The following ATXN7 variants were observed in gnomAD, a reference collection of about 807,000 sequenced individuals.
ATXN7 encodes ataxin-7.
In ATXN7, 12 loss-of-function variants were observed where a neutral mutation model predicts 70.5. That is an observed-to-expected ratio of 0.17 (90% CI 0.11 to 0.28). ATXN7 has a LOEUF of 0.28. ATXN7 is among the 10% of genes least tolerant of loss of function. The pLI is 1.00. For missense variants in ATXN7, 1,256 were observed against 1,131.7 expected (o/e 1.11, Z -1.58); for synonymous variants, 498 against 448.7 (o/e 1.11, Z -1.39).
chr3:63,891,070 C>T (rs996091706), intron 1 of ATXN7, among the ~76,000 whole-genome samples: 1 of 152,048 alleles, frequency 6.6e-6, no homozygotes, highest in Non-Finnish European at 1.5e-5. Flanking sequence ...AGTGCAGTGG[C>T]ACCATCTCGG....
intron 4 of ATXN7, among the ~76,000 whole-genome samples, chr3:63,914,714 G>A (rs1287822313): frequency 6.6e-6 from 1 of 152,148 alleles, no homozygotes; most frequent in Non-Finnish European, 1.5e-5. Flanking sequence ...CAATAATTCT[G>A]CTGTAAAGGA....
chr3:63,892,405 CACACA>C (rs780640762), intron 1 of ATXN7, among the ~76,000 whole-genome samples: 15,009 of 150,392 alleles, frequency 0.1, 899 homozygotes, highest in Middle Eastern at 0.15. Context: ...CACACACACA[CACACA>C]CCCGCCAACT....
At chr3:63,921,937 C>G (rs1328937746) in intron 4 of ATXN7, among the ~76,000 whole-genome samples, 3 of 152,204 alleles carry the variant, frequency 2.0e-5, no homozygotes, top group Non-Finnish European at 4.4e-5. Context: ...AGTGAAATGC[C>G]AGTTTTGCTT....
intron 1 of ATXN7, among the ~76,000 whole-genome samples, chr3:63,872,048 C>G (rs1702610651): frequency 1.3e-5 from 2 of 152,010 alleles, no homozygotes; most frequent in African/African-American, 4.8e-5. Flanking sequence ...GTTCTATCTC[C>G]TATGCCCCAC....
At chr3:63,922,652 T>C (rs561210389) in intron 4 of ATXN7, among the ~76,000 whole-genome samples, 2 of 152,264 alleles carry the variant, frequency 1.3e-5, no homozygotes, top group South Asian at 4.1e-4. Flanking sequence ...CCTACTTACA[T>C]GATTTTTTTA....
chr3:63,979,225 C>T (rs951558275), intron 5 of ATXN7, among the ~76,000 whole-genome samples: 3 of 152,140 alleles, frequency 2.0e-5, no homozygotes, highest in Admixed American at 1.3e-4. Flanking sequence ...AAAAAACAGG[C>T]GTAGCTATTT....
intron 12 of ATXN7, 115 bp from the exon 13 acceptor site, chr3:63,999,335 T>C: frequency 2.4e-6 from 2 of 850,544 alleles, no homozygotes; most frequent in Admixed American, 4.0e-5. Flanking sequence ...ACTCAGTCAA[T>C]GGAGACTTTA....
intron 1 of ATXN7, among the ~76,000 whole-genome samples, chr3:63,874,106 G>A (rs1390347734): frequency 1.3e-5 from 2 of 152,144 alleles, no homozygotes; most frequent in African/African-American, 4.8e-5. Flanking sequence ...AATACTACAT[G>A]TGTTTTTTAC....
chr3:63,926,821 C>G (rs184958582), intron 4 of ATXN7, among the ~76,000 whole-genome samples: 1 of 152,162 alleles, frequency 6.6e-6, no homozygotes, highest in East Asian at 1.9e-4. Context: ...CCCTTGCCCC[C>G]CAATGCCCAA....
chr3:63,990,595 T>C, intron 10 of ATXN7, 143 bp from the exon 11 acceptor site: 1 of 1,361,402 alleles, frequency 7.3e-7, no homozygotes, highest in Non-Finnish European at 1.0e-6. Flanking sequence ...GGCTAGGCAT[T>C]GTCACTCTCA....
At chr3:63,946,918 G>C (rs2074873514) in intron 4 of ATXN7, among the ~76,000 whole-genome samples, 2 of 152,128 alleles carry the variant, frequency 1.3e-5, no homozygotes, top group Non-Finnish European at 2.9e-5. Context: ...CTGTGGCCTT[G>C]TTAGGAGACC....
chr3:63,863,854 A>C, upstream of ATXN7: 4 of 1,207,318 alleles, frequency 3.3e-6, no homozygotes, highest in South Asian at 8.2e-5. Context: ...GCGGCGGCGG[A>C]GGTCAAACTC....
chr3:63,984,968 TTTTTAA>T (rs2075550453), intron 8 of ATXN7, among the ~76,000 whole-genome samples: 1 of 152,234 alleles, frequency 6.6e-6, no homozygotes, highest in Non-Finnish European at 1.5e-5. Context: ...AATTTCCTTC[TTTTTAA>T]GGGCTGAATA....
chr3:63,995,562 G>A lies in ATXN7; in HGVS notation c.1740G>A (p.Arg580=). 6.2e-7 allele frequency: 1 copy of A among 1,614,096 alleles called. No homozygotes were observed. The highest frequency in any genetic ancestry group is 1.7e-5 in the Admixed American group (1 of 60,014). ...CCATCTCCACACGTATTCCTCACCG[G>A]ACAAACTCTGTGCCGACATCACAAT... ...TSPISTRIPH[R]TNSVPTSQCG... Residue 580 remains arginine, a synonymous_variant, in exon 12 of 13, where the codon CGG becomes CGA. Coordinates refer to ENST00000674280, the MANE Select transcript of ATXN7 (RefSeq NM_001377405.1).
At chr3:63,875,090 C>G (rs2107208815) in intron 1 of ATXN7, among the ~76,000 whole-genome samples, 1 of 152,174 alleles carries the variant, frequency 6.6e-6, no homozygotes. Flanking sequence ...ATTACCATAA[C>G]TTGGAGGGTT....
At chr3:63,964,802 G>T (rs2075192423) in intron 5 of ATXN7, among the ~76,000 whole-genome samples, 1 of 152,198 alleles carries the variant, frequency 6.6e-6, no homozygotes. Flanking sequence ...CGAATGAATT[G>T]CTTGGTATTT....
intron 5 of ATXN7, chr3:63,968,392 G>A: frequency 6.3e-6 from 1 of 159,928 alleles, no homozygotes; most frequent in Non-Finnish European, 1.4e-5. Flanking sequence ...GAGAGTATTG[G>A]TTACATCTCT....
intron 5 of ATXN7, among the ~76,000 whole-genome samples, chr3:63,964,785 C>T (rs2075191891): frequency 6.6e-6 from 1 of 152,126 alleles, no homozygotes; most frequent in Non-Finnish European, 1.5e-5. Flanking sequence ...GCTTCCAGGC[C>T]CACAGCCGAA....
intron 3 of ATXN7, 28 bp downstream of exon 3, chr3:63,912,951 T>TC: frequency 3.7e-6 from 5 of 1,368,882 alleles, no homozygotes; most frequent in South Asian, 1.2e-5. Context: ...CCTCCCCCCT[T>TC]CACCCCCTCG....
Sources: allele counts gnomAD v4.1 joint callset (sites outside exome capture counted in the v4.1 genomes callset), GRCh38; gene constraint gnomAD v4.1.1; transcripts MANE v1.5; gene names NCBI Gene and HGNC (gene_info 2026-07-23, HGNC 2026-07-21).